Variants in FAM171A1 observed in about 807,000 individuals in gnomAD.
The protein encoded by FAM171A1 is protein FAM171A1.
In FAM171A1, 23 loss-of-function variants were observed where a neutral mutation model predicts 74.9. The ratio of observed to expected loss-of-function variants is 0.31; its 90% CI spans 0.22 to 0.44. FAM171A1 has a LOEUF of 0.44. FAM171A1 is among the 20% of genes least tolerant of loss of function. The pLI, the probability that FAM171A1 is intolerant of heterozygous loss-of-function variation, is 1.00. For synonymous variants in FAM171A1, 527 were observed against 505.7 expected, an observed-to-expected ratio of 1.04 and a Z score of -0.57; for missense variants, 1,162 against 1,159.2, an observed-to-expected ratio of 1.00 and a Z score of -0.03.
intron 1 of FAM171A1, among the ~76,000 whole-genome samples, chr10:15,365,260 T>C (rs1434410498): frequency 6.6e-6 from 1 of 152,130 alleles, no homozygotes; most frequent in African/African-American, 2.4e-5. Flanking sequence ...ATTTTGAGTC[T>C]GGTTAACAGA....
chr10:15,348,000 C>T (rs772429400), intron 1 of FAM171A1, among the ~76,000 whole-genome samples: 13 of 151,918 alleles, frequency 8.6e-5, no homozygotes, highest in East Asian at 1.9e-4. Context: ...TCTTTTGAGA[C>T]GGGGTCTTGT....
chr10:15,214,656 A>G (rs1323330636), intron 7 of FAM171A1, 55 bp from the exon 8 acceptor site: 3 of 1,496,420 alleles, frequency 2.0e-6, no homozygotes, highest in East Asian at 4.7e-5. Context: ...ACAATGAAAA[A>G]GTTTCAAGTT....
chr10:15,370,172 G>A (rs933083806), intron 1 of FAM171A1, among the ~76,000 whole-genome samples: 1 of 151,390 alleles, frequency 6.6e-6, no homozygotes, highest in Non-Finnish European at 1.5e-5. Flanking sequence ...CTGGAAAGCA[G>A]ATTTGTGGAG....
intron 1 of FAM171A1, among the ~76,000 whole-genome samples, chr10:15,370,086 C>T (rs1191633523): frequency 1.5e-5 from 2 of 130,164 alleles, no homozygotes; most frequent in African/African-American, 5.3e-5. Context: ...GGGGGACTCC[C>T]CTCAAAAAAC....
At chr10:15,356,953 A>G (rs1156320032) in intron 1 of FAM171A1, among the ~76,000 whole-genome samples, 3 of 151,974 alleles carry the variant, frequency 2.0e-5, no homozygotes, top group African/African-American at 4.8e-5. Flanking sequence ...CCTGGGCAAC[A>G]GAGTGAGGCT....
intron 1 of FAM171A1, among the ~76,000 whole-genome samples, chr10:15,365,375 G>A (rs1836046802): frequency 6.6e-6 from 1 of 152,186 alleles, no homozygotes; most frequent in Admixed American, 6.5e-5. Context: ...AAGAGATGGA[G>A]CTATGACATC....
chr10:15,264,856 C>G (rs1247792935), intron 3 of FAM171A1, among the ~76,000 whole-genome samples: 1 of 148,736 alleles, frequency 6.7e-6, no homozygotes, highest in Non-Finnish European at 1.5e-5. Flanking sequence ...GTAGTAAAGA[C>G]TACCATTTAT....
Position 15,214,554 on chromosome 10 carries a change from G to C in FAM171A1, c.1034C>G (p.Pro345Arg), listed in dbSNP as rs781122848. ...PRQHHRKLQL[P>R]AGLESSKRDQ... ...TCTTTTGGAACTCTCCAGTCCTGCA[G>C]GGAGCTGCAGTTTTCTGTGGTGCTG... The change falls in exon 8 of 8, where the codon CCT becomes CGT. Residue 345 changes from proline (P) to arginine (R), a missense_variant. By Grantham distance (103) the Pro-to-Arg change is moderately radical. Coordinates refer to ENST00000378116, the MANE Select transcript of FAM171A1 (RefSeq NM_001010924.2). 1 of 1,613,050 alleles carries C rather than the reference G, an allele frequency of 6.2e-7. No individual in the cohort carries two copies. The highest frequency in any genetic ancestry group is 1.7e-5 in the Admixed American group (1 of 59,760).
At chr10:15,321,675 C>T (rs1003819774) in intron 1 of FAM171A1, among the ~76,000 whole-genome samples, 26 of 152,170 alleles carry the variant, frequency 1.7e-4, no homozygotes, top group African/African-American at 5.8e-4. Context: ...TGGTCAGAAG[C>T]CTGAACCCTT....
At chr10:15,300,474 C>G (rs1404788196) in intron 1 of FAM171A1, among the ~76,000 whole-genome samples, 2 of 152,038 alleles carry the variant, frequency 1.3e-5, no homozygotes, top group South Asian at 2.1e-4. Flanking sequence ...TTGTGAGGTG[C>G]CTGCTAGCAA....
chr10:15,260,770 G>T (rs1271528705), intron 3 of FAM171A1, among the ~76,000 whole-genome samples: 2 of 152,006 alleles, frequency 1.3e-5, no homozygotes, highest in South Asian at 2.1e-4. Context: ...TCTTTGTTTG[G>T]GGGTGTCCCA....
rs1056140631 is a variant in FAM171A1 at position 15,212,870 on chromosome 10, T to C, written c.*45A>G. On this transcript the variant is annotated 3_prime_UTR_variant, in exon 8 of 8. Transcript: ENST00000378116. The stretch of plus-strand genomic sequence containing the variant: ...GGGTACGCGCTTCCATGAGAAAGGA[T>C]ATTTGGCAATTTTATATTCCACAGT... 5.6e-6 allele frequency: 9 copies of C among 1,603,400 alleles called. No individual in the cohort carries two copies. The African/African-American group carries it at 1.2e-4, about 22-fold the overall frequency.
chr10:15,272,726 G>A (rs1834842765), intron 3 of FAM171A1, among the ~76,000 whole-genome samples: 1 of 152,124 alleles, frequency 6.6e-6, no homozygotes, highest in Non-Finnish European at 1.5e-5. Context: ...CTAGAACTCA[G>A]GATTAAGAAA....
At chr10:15,251,684 T>C (rs1364236200) in intron 4 of FAM171A1, among the ~76,000 whole-genome samples, 2 of 152,098 alleles carry the variant, frequency 1.3e-5, no homozygotes, top group Non-Finnish European at 2.9e-5. Flanking sequence ...AGTGCTGGGA[T>C]TACAGGTGTG....
chr10:15,310,616 C>T (rs1037968548), intron 1 of FAM171A1, among the ~76,000 whole-genome samples: 1 of 152,088 alleles, frequency 6.6e-6, no homozygotes, highest in Non-Finnish European at 1.5e-5. Context: ...AATCTCAGCA[C>T]TTTGCGAGGC....
upstream of FAM171A1, among the ~76,000 whole-genome samples, chr10:15,371,347 C>G (rs1466428975): frequency 6.8e-6 from 1 of 146,084 alleles, no homozygotes; most frequent in Non-Finnish European, 1.5e-5. Context: ...GCCCCGGGCC[C>G]GTGGTGCCAC....
At chr10:15,292,183 C>T (rs141713395) in intron 1 of FAM171A1, among the ~76,000 whole-genome samples, 1 of 152,064 alleles carries the variant, frequency 6.6e-6, no homozygotes, top group Non-Finnish European at 1.5e-5. Flanking sequence ...ATGGCTCCCC[C>T]CTCATGACCT....
intron 5 of FAM171A1, among the ~76,000 whole-genome samples, chr10:15,238,021 TC>T (rs1834316407): frequency 6.6e-6 from 1 of 152,228 alleles, no homozygotes; most frequent in African/African-American, 2.4e-5. Context: ...CGGCATCTAT[TC>T]TTTTTCAAAA....
chr10:15,332,458 A>G, intron 1 of FAM171A1, among the ~76,000 whole-genome samples: 1 of 152,138 alleles, frequency 6.6e-6, no homozygotes, highest in Middle Eastern at 3.2e-3. Context: ...CACCAACAGT[A>G]TGGGGGCTAC....
Sources: gnomAD v4.1 joint callset for allele counts (sites outside exome capture counted in the v4.1 genomes callset) on GRCh38, gnomAD v4.1.1 for gene constraint, MANE v1.5 for transcripts, NCBI Gene and HGNC (gene_info 2026-07-23, HGNC 2026-07-21) for gene names.